The following SCOC variants were observed in gnomAD, a reference collection of about 807,000 sequenced individuals.
SCOC encodes the protein short coiled-coil protein, also known as short coiled coil protein.
Under a neutral mutation model 9.9 loss-of-function variants are expected in SCOC, and 7 were observed. The observed-to-expected ratio is 0.71, with a 90% CI of 0.40 to 1.33. SCOC has a LOEUF of 1.33. Among genes scored for constraint, SCOC ranks in the 40% most tolerant of loss-of-function variants. SCOC has a pLI of 0.01. For synonymous variants in SCOC, 19 were observed against 28.2 expected, an observed-to-expected ratio of 0.67 and a Z score of 1.03; for missense variants, 66 against 89.7, an observed-to-expected ratio of 0.74 and a Z score of 1.07.
intron 1 of SCOC, among the ~76,000 whole-genome samples, chr4:140,321,050 G>C (rs1312587467): frequency 6.6e-6 from 1 of 152,118 alleles, no homozygotes; most frequent in African/African-American, 2.4e-5. Flanking sequence ...TAGTGCAAAG[G>C]GGAGACTCAA....
At chr4:140,294,905 A>G (rs1368963844) in intron 1 of SCOC, among the ~76,000 whole-genome samples, 2 of 152,292 alleles carry the variant, frequency 1.3e-5, no homozygotes, top group Admixed American at 6.5e-5. Context: ...TCTGTGTCCA[A>G]ATGTCTGGAC....
At chr4:140,287,759 CAT>C (rs1404530916) in intron 1 of SCOC, among the ~76,000 whole-genome samples, 2 of 152,076 alleles carry the variant, frequency 1.3e-5, no homozygotes, top group Admixed American at 1.3e-4. Context: ...AAACCACACT[CAT>C]GTGCATGCAC....
At chr4:140,309,066 C>T (rs1408385867) in intron 1 of SCOC, among the ~76,000 whole-genome samples, 1 of 152,100 alleles carries the variant, frequency 6.6e-6, no homozygotes, top group Non-Finnish European at 1.5e-5. Context: ...AAAGTGGGAG[C>T]AATAGCTACA....
rs565078348 is a variant in SCOC, at chr4:140,379,165, C to G, written c.-6C>G. Reference sequence around the variant, plus strand: ...GTATCCAAGGCCCAAAAGTTTGTTACCCAAGATGATGAATGCTGACATGGA... The same window carrying G: ...GTATCCAAGGCCCAAAAGTTTGTTAGCCAAGATGATGAATGCTGACATGGA... On this transcript the variant is annotated 5_prime_UTR_variant, in exon 2 of 4. Coordinates refer to ENST00000608372, the MANE Select transcript of SCOC (RefSeq NM_001153484.2). 5.0e-6 allele frequency: 8 copies of G among 1,610,060 alleles called. No individual in the cohort carries two copies. The highest frequency in any genetic ancestry group is 6.8e-6 in the Non-Finnish European group (8 of 1,176,584).
At chr4:140,275,592 C>A (rs570907179) in intron 1 of SCOC, among the ~76,000 whole-genome samples, 1 of 152,280 alleles carries the variant, frequency 6.6e-6, no homozygotes, top group Admixed American at 6.5e-5. Flanking sequence ...AGATTATTAA[C>A]TTCTAGGAAG....
chr4:140,362,305 T>TCTTCTTCTTCTTCTTCTTCTTC (rs1357436782), intron 2 of SCOC, among the ~76,000 whole-genome samples: 1 of 9,236 alleles, frequency 1.1e-4, no homozygotes, highest in Non-Finnish European at 2.6e-4. Flanking sequence ...TCTTCTTTTT[T>TCTTCTTCTTCTTCTTCTTCTTC]TTTTTTTTTT....
chr4:140,265,094 T>C (rs1449489862), intron 1 of SCOC, among the ~76,000 whole-genome samples: 2 of 152,200 alleles, frequency 1.3e-5, no homozygotes, highest in Admixed American at 6.5e-5. Context: ...TAGGGCATTG[T>C]GTTGATTTCT....
chr4:140,329,083 T>C (rs2126492156), intron 1 of SCOC, among the ~76,000 whole-genome samples: 1 of 152,318 alleles, frequency 6.6e-6, no homozygotes, highest in Admixed American at 6.5e-5. Context: ...AACAGCATCG[T>C]ATTGGTATAA....
upstream of SCOC, among the ~76,000 whole-genome samples, chr4:140,370,298 T>C (rs549967747): frequency 1.3e-5 from 2 of 152,284 alleles, no homozygotes; most frequent in Admixed American, 1.3e-4. Flanking sequence ...TTTTGATGAA[T>C]TTTCCAAGTG....
intron 1 of SCOC, among the ~76,000 whole-genome samples, chr4:140,275,686 G>A (rs1477934286): frequency 6.6e-6 from 1 of 152,112 alleles, no homozygotes; most frequent in Non-Finnish European, 1.5e-5. Context: ...GCCTAGCAGA[G>A]TACTGAGCAG....
upstream of SCOC, among the ~76,000 whole-genome samples, chr4:140,371,971 A>G (rs746503399): frequency 6.6e-6 from 1 of 152,246 alleles, no homozygotes; most frequent in African/African-American, 2.4e-5. Context: ...TATAACATGG[A>G]TGAACTCTGA....
chr4:140,309,923 C>T (rs1264039750), intron 1 of SCOC, among the ~76,000 whole-genome samples: 1 of 152,140 alleles, frequency 6.6e-6, no homozygotes, highest in East Asian at 1.9e-4. Context: ...TCTTGCTATC[C>T]TTGCCAAGTT....
At chr4:140,306,802 C>A (rs1732004096) in intron 1 of SCOC, among the ~76,000 whole-genome samples, 2 of 151,958 alleles carry the variant, frequency 1.3e-5, no homozygotes, top group South Asian at 4.2e-4. Context: ...GGGGAATGAT[C>A]GACATTCCCT....
intron 1 of SCOC, among the ~76,000 whole-genome samples, chr4:140,327,147 T>C (rs1450641253): frequency 1.3e-5 from 2 of 152,214 alleles, no homozygotes; most frequent in Non-Finnish European, 1.5e-5. Context: ...ATTTAGTTTA[T>C]GTTAAATTTG....
rs917830495 is a variant in SCOC at position 140,383,890 on chromosome 4, C to T, written c.*2786C>T. ...TTTGCCTTTCTTTAATGGAGGCTATCTTGAGATCAACTAAAAATAAGATTA... is the reference window on the plus strand; with the variant it reads ...TTTGCCTTTCTTTAATGGAGGCTATTTTGAGATCAACTAAAAATAAGATTA... On this transcript the variant is annotated 3_prime_UTR_variant, in exon 4 of 4. Transcript: ENST00000608372. 6.6e-6 allele frequency: 1 copy of T among 152,204 alleles called. No homozygotes were observed. The highest frequency in any genetic ancestry group is 1.5e-5 in the Non-Finnish European group (1 of 68,044). The allele number at this position is 152,204 out of a possible 1,614,324, so 9.4% of individuals were successfully genotyped here. A position where few individuals can be genotyped will look rare whatever the true frequency, so the allele number is the denominator to read the frequency against.
chr4:140,313,347 C>T (rs745519752), intron 1 of SCOC, among the ~76,000 whole-genome samples: 6 of 152,110 alleles, frequency 3.9e-5, no homozygotes, highest in Non-Finnish European at 5.9e-5. Flanking sequence ...CGGGTTCTAG[C>T]GATTCTCGAT....
chr4:140,374,747 G>A (rs1413333854), intron 1 of SCOC, among the ~76,000 whole-genome samples: 2 of 152,044 alleles, frequency 1.3e-5, no homozygotes, highest in South Asian at 4.1e-4. Flanking sequence ...TTTTTCCATT[G>A]CATAATGGAA....
intron 2 of SCOC, among the ~76,000 whole-genome samples, chr4:140,357,656 T>C (rs1727286928): frequency 6.6e-6 from 1 of 152,192 alleles, no homozygotes; most frequent in African/African-American, 2.4e-5. Flanking sequence ...GTATTTTCAC[T>C]TGGATCTCAA....
intron 1 of SCOC, chr4:140,284,208 A>C (rs1339925089): frequency 6.7e-6 from 1 of 149,616 alleles, no homozygotes; most frequent in African/African-American, 2.5e-5. Flanking sequence ...CAGTTGAGAA[A>C]TAGGTTTGAT....
Sources: gnomAD v4.1 joint callset for allele counts (sites outside exome capture counted in the v4.1 genomes callset) on GRCh38, gnomAD v4.1.1 for gene constraint, MANE v1.5 for transcripts, NCBI Gene and HGNC (gene_info 2026-07-23, HGNC 2026-07-21) for gene names.